SLC2A13: variants seen among roughly 807,000 people sequenced by gnomAD.
SLC2A13 encodes solute carrier family 2 member 13.
A neutral mutation model predicts 64.4 loss-of-function variants in SLC2A13; 32 were observed. The observed-to-expected ratio is 0.50, with a 90% CI of 0.37 to 0.67. The LOEUF (loss-of-function observed/expected upper bound fraction) is 0.67. SLC2A13 is among the 30% of genes least tolerant of loss of function. The pLI is 0.00. For missense variants in SLC2A13, 743 were observed against 829.2 expected (o/e 0.90, Z 1.28); for synonymous variants, 338 against 327.1 (o/e 1.03, Z -0.36).
chr12:39,773,596 A>C lies in SLC2A13; in HGVS notation c.1446-8738T>G, dbSNP rs75257411. 7.3e-3 allele frequency among the ~76,000 whole-genome samples: 1,112 copies of C among 152,316 alleles called. 14 individuals carry two copies. Among genetic ancestry groups the C allele is most frequent in the African/African-American group, 0.025 (1,049 of 41,572 alleles). Reference sequence around the variant, plus strand: ...TAACCAAAGGAACTTAAGCAGTGCAAATATACAACTGTTCTTGCTAGTTAG... The same window carrying C: ...TAACCAAAGGAACTTAAGCAGTGCACATATACAACTGTTCTTGCTAGTTAG... On this transcript the variant is annotated intron_variant, in intron 7 of 9. Coordinates refer to ENST00000280871, the MANE Select transcript of SLC2A13 (RefSeq NM_052885.4).
chr12:40,046,646 AAAG>A (rs1261606156), intron 2 of SLC2A13, among the ~76,000 whole-genome samples: 3 of 152,060 alleles, frequency 2.0e-5, no homozygotes, highest in African/African-American at 7.2e-5. Context: ...GAAAAAAAAA[AAAG>A]AAGAAAGAAA....
chr12:39,839,147 G>A (rs1181680528), intron 6 of SLC2A13, among the ~76,000 whole-genome samples: 1 of 152,006 alleles, frequency 6.6e-6, no homozygotes, highest in East Asian at 1.9e-4. Flanking sequence ...GCTCTCACCA[G>A]CTTCAGCAGG....
chr12:39,907,508 A>G (rs893531684), intron 4 of SLC2A13: 2 of 152,194 alleles, frequency 1.3e-5, no homozygotes, highest in African/African-American at 2.4e-5. Flanking sequence ...TATCAAAACC[A>G]TAATGTACCT....
intron 4 of SLC2A13, among the ~76,000 whole-genome samples, chr12:39,883,768 A>G (rs1414500729): frequency 6.6e-6 from 1 of 152,222 alleles, no homozygotes; most frequent in South Asian, 2.1e-4. Flanking sequence ...TTATGCAAAT[A>G]TATGTAGTTT....
chr12:40,013,727 T>C (rs1947571658), intron 3 of SLC2A13, among the ~76,000 whole-genome samples: 1 of 152,230 alleles, frequency 6.6e-6, no homozygotes, highest in Admixed American at 6.5e-5. Flanking sequence ...GTACAAAAGA[T>C]GAGAAATCCA....
intron 4 of SLC2A13, among the ~76,000 whole-genome samples, chr12:39,891,641 A>T (rs535977438): frequency 7.9e-5 from 12 of 152,292 alleles, no homozygotes; most frequent in African/African-American, 2.9e-4. Context: ...ATTACTGCTG[A>T]CAATCCTTAA....
chr12:40,068,217 A>G, intron 1 of SLC2A13: 2 of 302,754 alleles, frequency 6.6e-6, no homozygotes, highest in South Asian at 5.4e-5. Context: ...GGCAAGTTTT[A>G]CTAAAGAAAA....
At chr12:39,948,625 A>G (rs1038113303) in intron 4 of SLC2A13, among the ~76,000 whole-genome samples, 3 of 152,122 alleles carry the variant, frequency 2.0e-5, no homozygotes, top group African/African-American at 7.2e-5. Flanking sequence ...AATTCAAAAT[A>G]CCTTATATTT....
At chr12:39,972,033 T>A (rs1418653499) in intron 3 of SLC2A13, among the ~76,000 whole-genome samples, 5 of 7,818 alleles carry the variant, frequency 6.4e-4, no homozygotes, top group African/African-American at 1.6e-3. Flanking sequence ...TATATAAATA[T>A]ATATATAAAT....
chr12:39,803,577 C>CAT (rs781277817), intron 7 of SLC2A13, among the ~76,000 whole-genome samples: 16 of 152,038 alleles, frequency 1.1e-4, no homozygotes, highest in African/African-American at 2.9e-4. Context: ...CATACACACA[C>CAT]ATATATATAT....
chr12:39,790,233 A>G (rs1369166854), intron 7 of SLC2A13, among the ~76,000 whole-genome samples: 1 of 107,320 alleles, frequency 9.3e-6, no homozygotes, highest in African/African-American at 3.5e-5. Flanking sequence ...TTCTTTTTTT[A>G]TTATACTTTA....
rs1463455434 is a variant in SLC2A13, at chr12:39,864,777, G to A, written c.1304C>T (p.Thr435Ile). 6.2e-7 allele frequency: 1 copy of A among 1,614,038 alleles called. No homozygotes were observed. ...GGAATCTCACCTGTATCTTGTGCAA[G>A]TGGCGTTCTGACCTGACGGAGCTAT... is the stretch of plus-strand genomic sequence containing the variant. ...KPIAPSGQNA[T>I]CTRYSYCNEC... The change falls in exon 6 of 10, where the codon ACT (threonine) becomes ATT (isoleucine). Residue 435 changes from threonine to isoleucine, a missense_variant. Coordinates refer to ENST00000280871, the MANE Select transcript of SLC2A13 (RefSeq NM_052885.4).
intron 4 of SLC2A13, among the ~76,000 whole-genome samples, chr12:39,929,376 C>T (rs1480612352): frequency 6.6e-6 from 1 of 151,908 alleles, no homozygotes; most frequent in African/African-American, 2.4e-5. Context: ...GATGGTGAAA[C>T]CCTGTCTCTA....
chr12:39,818,050 A>G (rs1942388034), intron 7 of SLC2A13, among the ~76,000 whole-genome samples: 1 of 152,178 alleles, frequency 6.6e-6, no homozygotes, highest in African/African-American at 2.4e-5. Context: ...TAACTTCTAC[A>G]GATGTTTCCT....
chr12:39,929,610 G>A lies in SLC2A13; in HGVS notation c.1034+21647C>T, dbSNP rs568646913. Among the ~76,000 whole-genome samples the A allele has an allele frequency of 2.0e-5, 3 of 152,144 alleles. No individual in the cohort carries two copies. The South Asian group carries it at 6.2e-4, about 32-fold the overall frequency. ...ACAGAACTCAGCCACAAGAGAGAGG[G>A]GTAAAGAGCATTTCTACAGCTGTCC... On this transcript the variant is annotated intron_variant, in intron 4 of 9. Coordinates refer to ENST00000280871, the MANE Select transcript of SLC2A13 (RefSeq NM_052885.4).
Position 39,984,096 on chromosome 12 carries a change from A to G in SLC2A13, c.926-32731T>C, listed in dbSNP as rs1290215154. On this transcript the variant is annotated intron_variant, in intron 3 of 9. Coordinates refer to ENST00000280871, the MANE Select transcript of SLC2A13 (RefSeq NM_052885.4). Reference sequence around the variant, plus strand: ...TCGCAAGAAGAAAAAACCAAACACCACATATTCTCACTCATAGGTGGGAAC... The same window carrying G: ...TCGCAAGAAGAAAAAACCAAACACCGCATATTCTCACTCATAGGTGGGAAC... 1.8e-4 allele frequency among the ~76,000 whole-genome samples: 28 copies of G among 151,516 alleles called. No individual in the cohort carries two copies. The South Asian group carries it at 3.1e-3, about 17-fold the overall frequency.
intron 1 of SLC2A13, among the ~76,000 whole-genome samples, chr12:40,086,884 A>G (rs184087666): frequency 1.3e-5 from 2 of 152,332 alleles, no homozygotes. Flanking sequence ...TAATGCAGTT[A>G]CCAACGGCCA....
intron 4 of SLC2A13, among the ~76,000 whole-genome samples, chr12:39,922,997 C>CA (rs1945642098): frequency 6.6e-6 from 1 of 152,094 alleles, no homozygotes; most frequent in African/African-American, 2.4e-5. Flanking sequence ...GTGATTCAAG[C>CA]AAATACTTCT....
At chr12:39,907,727 A>T in intron 4 of SLC2A13, 1 of 150,562 alleles carries the variant, frequency 6.6e-6, no homozygotes. Context: ...GTGAAACAGG[A>T]AGCTGTAAAT....
Sources: gnomAD v4.1 joint callset for allele counts (sites outside exome capture counted in the v4.1 genomes callset) on GRCh38, gnomAD v4.1.1 for gene constraint, MANE v1.5 for transcripts, NCBI Gene and HGNC (gene_info 2026-07-23, HGNC 2026-07-21) for gene names.